Variants in DYNC2H1 observed in about 807,000 individuals in gnomAD.
DYNC2H1 encodes dynein cytoplasmic 2 heavy chain 1.
Under a neutral mutation model 570.0 loss-of-function variants are expected in DYNC2H1, and 410 were observed. The observed-to-expected ratio is 0.72, with a 90% confidence interval of 0.66 to 0.78. The LOEUF (loss-of-function observed/expected upper bound fraction) is 0.78, where lower values mean the gene tolerates loss of function less well. Ranked by LOEUF, DYNC2H1 falls within the 30% of genes least tolerant of loss-of-function variation. DYNC2H1 has a pLI of 0.00. For synonymous variants in DYNC2H1, 1,688 were observed against 1,677.6 expected (o/e 1.01, Z -0.15); for missense variants, 4,865 against 5,046.4 (o/e 0.96, Z 1.09).
In DYNC2H1 at chr11:103,446,346, T is replaced by C. The variant is rs1455217700; in HGVS notation, c.12457-8840T>C. 6.6e-6 allele frequency among the ~76,000 whole-genome samples: 1 copy of C among 152,092 alleles called. No homozygotes were observed. Among genetic ancestry groups the C allele is most frequent in the Non-Finnish European group, 1.5e-5 (1 of 68,002 alleles). ...AACCAAGAAATAGTAGTTAGGTATA[T>C]AGAAGAAAGCCTGGGAGGCTGTAGT... On this transcript the variant is annotated intron_variant, in intron 85 of 88. Coordinates refer to ENST00000375735, the MANE Select transcript of DYNC2H1 (RefSeq NM_001377.3). This position sits in a 1 kb window ranked among gnomAD's most constrained non-coding sequence, Gnocchi z 4.5.
chr11:103,214,550 T>C (rs1466340019), intron 54 of DYNC2H1, among the ~76,000 whole-genome samples: 1 of 150,940 alleles, frequency 6.6e-6, no homozygotes. Flanking sequence ...GTTCAAGAGA[T>C]TCTTATGCCT....
intron 72 of DYNC2H1, 76 bp downstream of exon 72, chr11:103,282,305 C>T (rs572698672): frequency 7.5e-7 from 1 of 1,326,238 alleles, no homozygotes; most frequent in African/African-American, 1.5e-5. Flanking sequence ...GTATAATTTG[C>T]TTCAGAGGTG....
intron 75 of DYNC2H1, among the ~76,000 whole-genome samples, chr11:103,288,842 C>T (rs1591529287): frequency 6.8e-6 from 1 of 147,830 alleles, no homozygotes. Context: ...TATCATACCG[C>T]TGCACTCCAG....
Position 103,181,895 on chromosome 11 carries a change from A to G in DYNC2H1, c.6477+9A>G. The G allele has an allele frequency of 6.3e-7, 1 of 1,599,372 alleles. No homozygotes were observed. Among genetic ancestry groups the G allele is most frequent in the South Asian group, 1.1e-5 (1 of 88,294 alleles). On this transcript the variant is annotated intron_variant, in intron 40 of 88. Coordinates refer to ENST00000375735, the MANE Select transcript of DYNC2H1 (RefSeq NM_001377.3). The surrounding 1 kb of genome is among the most constrained non-coding windows in gnomAD (Gnocchi z 5.0). ...AATGGGTTCTAAAGCAGGTAAATTA[A>G]CCATAATATTTCATAATTAATCGAG... is the stretch of plus-strand genomic sequence containing the variant.
chr11:103,329,366 A>G (rs1224991037), intron 82 of DYNC2H1, among the ~76,000 whole-genome samples: 1 of 151,498 alleles, frequency 6.6e-6, no homozygotes, highest in African/African-American at 2.4e-5. Flanking sequence ...GGAATTGGGC[A>G]TTATTCAGTA....
At chr11:103,286,168 G>A (rs1484072721) in intron 73 of DYNC2H1, 87 bp from the exon 74 acceptor site, 5 of 1,497,396 alleles carry the variant, frequency 3.3e-6, no homozygotes, top group Non-Finnish European at 4.5e-6. Context: ...ACCAATAATT[G>A]GTTCTCACTT....
chr11:103,373,392 CTCTGATTTTGAG>C (rs71465394), intron 83 of DYNC2H1, among the ~76,000 whole-genome samples: 65,450 of 151,576 alleles, frequency 0.43, 15,614 homozygotes, highest in Non-Finnish European at 0.54. Context: ...TCTTTTTTGA[CTCTGATTTTGAG>C]TCTTCTTTTT....
At chr11:103,399,309 A>ATT (rs771285549) in intron 83 of DYNC2H1, among the ~76,000 whole-genome samples, 2,550 of 93,102 alleles carry the variant, frequency 0.027, 82 homozygotes, top group African/African-American at 0.1. Flanking sequence ...TATTCGGCTA[A>ATT]TTTTTTTTTT....
At chr11:103,116,303 A>T (rs1176212794) in intron 4 of DYNC2H1, among the ~76,000 whole-genome samples, 1 of 152,192 alleles carries the variant, frequency 6.6e-6, no homozygotes, top group East Asian at 1.9e-4. Context: ...AAAAATCAAA[A>T]TTTAAAGAAA....
rs567395828 is a variant in DYNC2H1, at chr11:103,248,657, G to A, written c.10042+3283G>A. On this transcript the variant is annotated intron_variant, in intron 65 of 88. Coordinates refer to ENST00000375735, the MANE Select transcript of DYNC2H1 (RefSeq NM_001377.3). ...AAATTCAGACAGATAAAATTGTGGA[G>A]CACCCCTGCCTGGTGTAAAAATATA... 9.0e-4 allele frequency among the ~76,000 whole-genome samples: 137 copies of A among 152,070 alleles called. 1 individual carries two copies. Among genetic ancestry groups the A allele is most frequent in the African/African-American group, 3.2e-3 (133 of 41,522 alleles).
In DYNC2H1 at chr11:103,183,229, G is replaced by T. The variant is rs571234832; in HGVS notation, c.6477+1343G>T. Among the ~76,000 whole-genome samples, 6 of 151,970 alleles carry T rather than the reference G, an allele frequency of 3.9e-5. No individual in the cohort carries two copies. The South Asian group carries it at 1.2e-3, about 31-fold the overall frequency. On this transcript the variant is annotated intron_variant, in intron 40 of 88. Coordinates refer to ENST00000375735, the MANE Select transcript of DYNC2H1 (RefSeq NM_001377.3). ...CCTACATTGTGACACCTTTTCAGTA[G>T]ATATGTTATTTCATTAGTACAAAAC...
In DYNC2H1 at chr11:103,122,881, A is replaced by G. The variant is rs1023786678; in HGVS notation, c.1542A>G (p.Arg514=). 1 of 1,613,224 alleles carries G rather than the reference A, an allele frequency of 6.2e-7. No homozygotes were observed. Among genetic ancestry groups the G allele is most frequent in the Non-Finnish European group, 8.5e-7 (1 of 1,179,626 alleles). ...EALLSDLPGF[R]CFHQSAKDLL... is the part of the protein sequence containing the mutation. ...TTTTATCTGACTTGCCAGGATTTCG[A>G]TGTTTCCATCAAAGTGCCAAAGATC... Residue 514 remains arginine, a synonymous_variant, in exon 11 of 89, where the codon CGA becomes CGG. Transcript: ENST00000375735.
At chr11:103,282,906 G>C (rs551300395) in intron 72 of DYNC2H1, 102 bp from the exon 73 acceptor site, 1 of 825,742 alleles carries the variant, frequency 1.2e-6, no homozygotes, top group South Asian at 1.8e-5. Flanking sequence ...ATAATGCATA[G>C]AATGAATTTT....
At chr11:103,343,718 C>CAATAAAATAAAATAAAATAAAATAA (rs111312968) in intron 82 of DYNC2H1, among the ~76,000 whole-genome samples, 1 of 151,496 alleles carries the variant, frequency 6.6e-6, no homozygotes, top group Non-Finnish European at 1.5e-5. Context: ...CCTTGTCAAT[C>CAATAAAATAAAATAAAATAAAATAA]AATAAAATAA....
chr11:103,149,791 A>G (rs570454645), intron 20 of DYNC2H1, among the ~76,000 whole-genome samples: 3 of 151,346 alleles, frequency 2.0e-5, no homozygotes, highest in African/African-American at 7.3e-5. Flanking sequence ...TGTGAGAGAG[A>G]GTGAGCAAAA....
Position 103,163,932 on chromosome 11 carries a change from C to T in DYNC2H1, c.4611+785C>T, listed in dbSNP as rs371068090. On this transcript the variant is annotated intron_variant, in intron 30 of 88. Coordinates refer to ENST00000375735, the MANE Select transcript of DYNC2H1 (RefSeq NM_001377.3). The surrounding 1 kb of genome is among the most constrained non-coding windows in gnomAD (Gnocchi z 4.6). ...TGTTGATTTTCTGTAAGTATGGAAG[C>T]TTGGAACAGTTTACATTCTGAACCA... Among the ~76,000 whole-genome samples the T allele has an allele frequency of 6.6e-6, 1 of 152,146 alleles. No homozygotes were observed. Among genetic ancestry groups the T allele is most frequent in the Non-Finnish European group, 1.5e-5 (1 of 68,022 alleles).
chr11:103,301,637 C>T (rs1565477063), intron 75 of DYNC2H1, among the ~76,000 whole-genome samples: 1 of 151,836 alleles, frequency 6.6e-6, no homozygotes, highest in Non-Finnish European at 1.5e-5. Flanking sequence ...GAGTAAATTT[C>T]ACCTGTTATT....
chr11:103,423,447 CTG>C (rs1323226160), intron 84 of DYNC2H1, among the ~76,000 whole-genome samples: 1 of 135,628 alleles, frequency 7.4e-6, no homozygotes, highest in Non-Finnish European at 1.6e-5. Context: ...AACCCTGCAA[CTG>C]TGTCTCCAAA....
intron 39 of DYNC2H1, 120 bp downstream of exon 39, chr11:103,179,353 A>C: frequency 3.4e-6 from 3 of 883,582 alleles, no homozygotes; most frequent in Non-Finnish European, 3.1e-6. Flanking sequence ...TTTATGATTA[A>C]CTTCTTTTTT....
Sources: allele counts gnomAD v4.1 joint callset (sites outside exome capture counted in the v4.1 genomes callset), GRCh38; gene constraint gnomAD v4.1.1; non-coding constraint Gnocchi (gnomAD v3.1); transcripts MANE v1.5; gene names NCBI Gene and HGNC (gene_info 2026-07-23, HGNC 2026-07-21).